The following RABEP2 variants were observed in gnomAD, a reference collection of about 807,000 sequenced individuals.
RABEP2 encodes rab GTPase-binding effector protein 2.
RABEP2 carries 57 observed loss-of-function variants against 74.1 expected under a neutral mutation model. That is an observed-to-expected ratio of 0.77 (90% CI 0.62 to 0.96). The LOEUF (loss-of-function observed/expected upper bound fraction) is 0.96. RABEP2 is among the 40% of genes least tolerant of loss of function. The pLI is 0.00. For missense variants in RABEP2, 692 were observed against 756.3 expected (o/e 0.91, Z 1.00); for synonymous variants, 351 against 344.0 (o/e 1.02, Z -0.23).
intron 2 of RABEP2, chr16:28,924,018 A>G (rs144148703): frequency 7.3e-5 from 20 of 273,992 alleles, no homozygotes; most frequent in African/African-American, 3.5e-4. Context: ...AGAGCAGAGC[A>G]TTAGACTCAC....
intron 5 of RABEP2, among the ~76,000 whole-genome samples, 197 bp from the exon 6 acceptor site, chr16:28,911,376 C>T (rs1443211232): frequency 1.3e-5 from 2 of 152,148 alleles, no homozygotes; most frequent in African/African-American, 2.4e-5. Flanking sequence ...GTGGATTCCA[C>T]AGGACTGGGT....
At chr16:28,911,394 G>A (rs958160666) in intron 5 of RABEP2, among the ~76,000 whole-genome samples, 1 of 152,182 alleles carries the variant, frequency 6.6e-6, no homozygotes, top group Non-Finnish European at 1.5e-5. Flanking sequence ...GGTGGAGTGG[G>A]GTCACGCCTG....
At chr16:28,914,950 G>C (rs1047204907) in intron 3 of RABEP2, among the ~76,000 whole-genome samples, 168 bp from the exon 4 acceptor site, 1 of 151,386 alleles carries the variant, frequency 6.6e-6, no homozygotes, top group African/African-American at 2.4e-5. Context: ...AAGCTTCCAC[G>C]ACTTGCCCCA....
chr16:28,925,232 G>A lies in RABEP2; in HGVS notation c.-69C>T, dbSNP rs1357942838. Reference sequence around the variant, plus strand: ...AGCGCACCGCTTCCGGGTCCTCTCGGCTGTTTCCGGATCCGCTCGGCTGTT... The same window carrying A: ...AGCGCACCGCTTCCGGGTCCTCTCGACTGTTTCCGGATCCGCTCGGCTGTT... On this transcript the variant is annotated 5_prime_UTR_variant, in exon 1 of 13. Transcript: ENST00000358201. 3 of 1,482,202 alleles carry A rather than the reference G, an allele frequency of 2.0e-6. No individual in the cohort carries two copies. Among genetic ancestry groups the A allele is most frequent in the Non-Finnish European group, 2.7e-6 (3 of 1,121,786 alleles). 91.8% of individuals were successfully genotyped at this position (1,482,202 alleles called of 1,614,324 possible).
intron 5 of RABEP2, among the ~76,000 whole-genome samples, chr16:28,912,535 C>T (rs148032414): frequency 9.2e-4 from 140 of 151,526 alleles, no homozygotes; most frequent in African/African-American, 3.0e-3. Flanking sequence ...CTCAACCTCT[C>T]GAAGTAGCCT....
At chr16:28,918,658 T>C (rs1964427850) in intron 3 of RABEP2, among the ~76,000 whole-genome samples, 1 of 151,754 alleles carries the variant, frequency 6.6e-6, no homozygotes, top group Admixed American at 6.6e-5. Flanking sequence ...GCCTAGACTT[T>C]TTTTTTTTTT....
At chr16:28,905,268 C>G in intron 12 of RABEP2, 129 bp downstream of exon 12, 1 of 738,436 alleles carries the variant, frequency 1.4e-6, no homozygotes. Flanking sequence ...AGTAACAGCT[C>G]AGGACAGGAC....
chr16:28,910,700 G>A (rs546081390), intron 7 of RABEP2, 188 bp downstream of exon 7: 2 of 573,194 alleles, frequency 3.5e-6, no homozygotes, highest in South Asian at 4.4e-5. Flanking sequence ...GGCTGCAGGG[G>A]CCCTGTTCTG....
intron 8 of RABEP2, 118 bp from the exon 9 acceptor site, chr16:28,906,314 G>C (rs1362139189): frequency 2.2e-6 from 3 of 1,341,326 alleles, no homozygotes; most frequent in Non-Finnish European, 3.0e-6. Context: ...TGGAAGCAAA[G>C]GGCTAAAGTG....
chr16:28,908,665 G>A lies in RABEP2; in HGVS notation c.1189C>T (p.Pro397Ser), dbSNP rs927501940. 1.2e-5 allele frequency: 19 copies of A among 1,614,200 alleles called. No individual in the cohort carries two copies. Among genetic ancestry groups the A allele is most frequent in the Non-Finnish European group, 1.6e-5 (19 of 1,180,040 alleles). Reference protein sequence around the residue: ...LRAEQLPSSAPQGSQQEQGEE... With the variant: ...LRAEQLPSSASQGSQQEQGEE... ...CCCTGCTCCTGCTGCGAGCCCTGGG[G>A]GGCTGAGGATGGCAGCTGCTCGGCC... Residue 397 changes from proline (P) to serine (S), a missense_variant, in exon 8 of 13, where the codon CCC (proline) becomes TCC (serine). Coordinates refer to ENST00000358201, the MANE Select transcript of RABEP2 (RefSeq NM_024816.3).
intron 5 of RABEP2, among the ~76,000 whole-genome samples, chr16:28,913,647 A>T (rs1021881457): frequency 7.9e-5 from 12 of 150,964 alleles, no homozygotes; most frequent in Non-Finnish European, 1.5e-5. Context: ...ACGCCCAGCT[A>T]ATTTTTGTGT....
At chr16:28,920,309 T>C (rs1251828754) in intron 2 of RABEP2, among the ~76,000 whole-genome samples, 2 of 151,788 alleles carry the variant, frequency 1.3e-5, no homozygotes, top group Non-Finnish European at 2.9e-5. Context: ...ACACTGTTCC[T>C]ATTAATATAT....
chr16:28,904,649 A>G lies in RABEP2; in HGVS notation c.*294T>C. The G allele has an allele frequency of 5.0e-6, 4 of 806,930 alleles. No homozygotes were observed. The highest frequency in any genetic ancestry group is 1.8e-5 in the South Asian group (1 of 55,872). 50.0% of individuals were successfully genotyped at this position (806,930 alleles called of 1,614,324 possible). ...GCAGGGGACGGGCTGGGGGCAGGGGAGGGCTGGAGCCCAGGAGGCAGCACA... is the reference window on the plus strand; with the variant it reads ...GCAGGGGACGGGCTGGGGGCAGGGGGGGGCTGGAGCCCAGGAGGCAGCACA... On this transcript the variant is annotated 3_prime_UTR_variant, in exon 13 of 13. Coordinates refer to ENST00000358201, the MANE Select transcript of RABEP2 (RefSeq NM_024816.3).
In RABEP2 at chr16:28,914,480, C is replaced by T; in HGVS notation, c.650G>A (p.Gly217Glu). Residue 217 changes from glycine to glutamate, a missense_variant, in exon 5 of 13, where the codon GGG (glycine) becomes GAG (glutamate). Physicochemically the swap from Gly to Glu is moderately conservative, Grantham distance 98. Transcript: ENST00000358201. ...LEPLEELSGD[G>E]GPAAEAFAHN... ...AGCGAAGGCCTCAGCGGCTGGACCC[C>T]CATCTCCGCTCAGCTCCTCCAGAGG... is the stretch of plus-strand genomic sequence containing the variant. 6.2e-7 allele frequency: 1 copy of T among 1,613,286 alleles called. No individual in the cohort carries two copies. The highest frequency in any genetic ancestry group is 2.2e-5 in the East Asian group (1 of 44,882).
At chr16:28,925,081 G>C (rs1184870677) in intron 1 of RABEP2, 22 bp downstream of exon 1, 1 of 1,549,514 alleles carries the variant, frequency 6.5e-7, no homozygotes, top group East Asian at 2.4e-5. Flanking sequence ...TTCCCCGCTT[G>C]CACGGACGCC....
chr16:28,906,864 CAGG>C (rs1964242208), intron 8 of RABEP2, among the ~76,000 whole-genome samples: 1 of 152,090 alleles, frequency 6.6e-6, no homozygotes, highest in South Asian at 2.1e-4. Context: ...GAGGCTGAGG[CAGG>C]AGAATTGCTT....
At chr16:28,908,429 A>G (rs546378974) in intron 8 of RABEP2, among the ~76,000 whole-genome samples, 180 bp downstream of exon 8, 5 of 152,358 alleles carry the variant, frequency 3.3e-5, no homozygotes, top group Admixed American at 2.6e-4. Context: ...TTTGATGCCA[A>G]TGCTGGAAAG....
At chr16:28,915,312 G>A (rs1421691995) in intron 3 of RABEP2, among the ~76,000 whole-genome samples, 1 of 150,238 alleles carries the variant, frequency 6.7e-6, no homozygotes, top group African/African-American at 2.5e-5. Context: ...TCCCACCTCA[G>A]CCTCCCAAGG....
At chr16:28,907,977 T>G (rs1193568873) in intron 8 of RABEP2, among the ~76,000 whole-genome samples, 2 of 152,108 alleles carry the variant, frequency 1.3e-5, no homozygotes, top group African/African-American at 4.8e-5. Flanking sequence ...TTTTTGTATT[T>G]TTAGTAGAGA....
Sources: gnomAD v4.1 joint callset for allele counts (sites outside exome capture counted in the v4.1 genomes callset) on GRCh38, gnomAD v4.1.1 for gene constraint, MANE v1.5 for transcripts, NCBI Gene and HGNC (gene_info 2026-07-23, HGNC 2026-07-21) for gene names.